Variants in TBC1D22A observed in about 807,000 individuals in gnomAD.
The protein encoded by TBC1D22A is putative GTPase activator.
A neutral mutation model predicts 60.2 loss-of-function variants in TBC1D22A; 38 were observed. The observed-to-expected ratio is 0.63, with a 90% CI of 0.49 to 0.83. The LOEUF (loss-of-function observed/expected upper bound fraction) is 0.83. TBC1D22A is among the 40% of genes least tolerant of loss of function. The pLI is 0.00. For synonymous variants in TBC1D22A, 302 were observed against 281.7 expected, an observed-to-expected ratio of 1.07 and a Z score of -0.72; for missense variants, 628 against 701.0, an observed-to-expected ratio of 0.90 and a Z score of 1.18.
At chr22:46,891,539 C>A in intron 6 of TBC1D22A, 145 bp downstream of exon 6, 2 of 846,826 alleles carry the variant, frequency 2.4e-6, no homozygotes, top group Non-Finnish European at 3.3e-6. Flanking sequence ...TTTTTATTTT[C>A]TAATAAATAA....
chr22:46,841,295 C>A (rs566408137), intron 4 of TBC1D22A, among the ~76,000 whole-genome samples: 6 of 152,308 alleles, frequency 3.9e-5, no homozygotes, highest in African/African-American at 1.2e-4. Flanking sequence ...TGCTATTTGG[C>A]CATGTGAGGA....
intron 8 of TBC1D22A, among the ~76,000 whole-genome samples, chr22:46,947,098 A>T (rs544601136): frequency 1.2e-3 from 181 of 151,812 alleles, no homozygotes; most frequent in Middle Eastern, 0.01. Flanking sequence ...CGTTATGTGG[A>T]TGAGGTGATA....
At chr22:47,055,919 G>A (rs200883318) in intron 11 of TBC1D22A, among the ~76,000 whole-genome samples, 35 of 89,064 alleles carry the variant, frequency 3.9e-4, no homozygotes, top group East Asian at 1.7e-3. Flanking sequence ...ACTGAGGGTT[G>A]GTGAGATACG....
intron 12 of TBC1D22A, among the ~76,000 whole-genome samples, chr22:47,161,698 A>G (rs2067989825): frequency 6.6e-6 from 1 of 152,270 alleles, no homozygotes; most frequent in South Asian, 2.1e-4. Flanking sequence ...TGAGTGGCAG[A>G]GGCAGCGCCT....
At chr22:46,964,606 T>G (rs572590332) in intron 8 of TBC1D22A, among the ~76,000 whole-genome samples, 1 of 152,254 alleles carries the variant, frequency 6.6e-6, no homozygotes, top group Non-Finnish European at 1.5e-5. Context: ...ATGGACCGTC[T>G]GTCCAATTTT....
chr22:46,954,914 C>T (rs552813411), intron 8 of TBC1D22A, among the ~76,000 whole-genome samples: 38 of 152,264 alleles, frequency 2.5e-4, no homozygotes, highest in South Asian at 8.3e-4. Flanking sequence ...GCTTAGGAAG[C>T]GAAGGGGTTA....
intron 4 of TBC1D22A, among the ~76,000 whole-genome samples, chr22:46,846,123 C>T (rs2086979146): frequency 6.6e-6 from 1 of 152,232 alleles, no homozygotes; most frequent in South Asian, 2.1e-4. Context: ...GAGTTTATCA[C>T]AATGCATCTG....
At chr22:47,132,777 G>T (rs562560661) in intron 12 of TBC1D22A, among the ~76,000 whole-genome samples, 1 of 152,252 alleles carries the variant, frequency 6.6e-6, no homozygotes, top group Non-Finnish European at 1.5e-5. Context: ...CCCACATCAC[G>T]TTGGCTTGAA....
chr22:47,117,883 G>C (rs1463566025), intron 12 of TBC1D22A, among the ~76,000 whole-genome samples: 2 of 152,182 alleles, frequency 1.3e-5, no homozygotes, highest in Non-Finnish European at 2.9e-5. Context: ...AGCACTTTGG[G>C]AGGCAGAGGC....
intron 8 of TBC1D22A, among the ~76,000 whole-genome samples, chr22:46,931,905 G>A (rs2071373659): frequency 6.6e-6 from 1 of 152,162 alleles, no homozygotes; most frequent in African/African-American, 2.4e-5. Context: ...AAGCTTAATG[G>A]CATTTAGTTA....
chr22:47,018,281 T>C (rs781391859), intron 10 of TBC1D22A, among the ~76,000 whole-genome samples: 1 of 152,272 alleles, frequency 6.6e-6, no homozygotes, highest in Admixed American at 6.5e-5. Context: ...TTCTGCTGGA[T>C]GCGTGTGGAT....
chr22:47,152,350 G>A (rs1184359581), intron 12 of TBC1D22A, among the ~76,000 whole-genome samples: 1 of 149,470 alleles, frequency 6.7e-6, no homozygotes, highest in Non-Finnish European at 1.5e-5. Context: ...TTCCCCCCCT[G>A]GCCCCTGGGG....
At chr22:46,884,097 C>T (rs983084243) in intron 5 of TBC1D22A, among the ~76,000 whole-genome samples, 2 of 152,100 alleles carry the variant, frequency 1.3e-5, no homozygotes, top group African/African-American at 2.4e-5. Flanking sequence ...ATTCCGCCCT[C>T]GTGGACCTCA....
intron 4 of TBC1D22A, among the ~76,000 whole-genome samples, chr22:46,851,992 A>AC (rs2062762594): frequency 6.6e-6 from 1 of 152,138 alleles, no homozygotes; most frequent in African/African-American, 2.4e-5. Context: ...TTTGATGAAG[A>AC]CAGGAGGCTT....
chr22:47,034,921 G>A lies in TBC1D22A; in HGVS notation c.1202-2150G>A, dbSNP rs149101631. Among the ~76,000 whole-genome samples, 1,001 of 152,240 alleles carry A rather than the reference G, an allele frequency of 6.6e-3. 11 individuals carry two copies. Among genetic ancestry groups the A allele is most frequent in the Non-Finnish European group, 0.011 (736 of 68,018 alleles). ...CGTGTGACGCTCTTTGCTTGCAGCC[G>A]ACTCTGGCACTGATGCGTCAGGCTC... On this transcript the variant is annotated intron_variant, in intron 10 of 12. Transcript: ENST00000337137.
At chr22:46,880,898 A>G (rs1266931271) in intron 5 of TBC1D22A, among the ~76,000 whole-genome samples, 1 of 152,160 alleles carries the variant, frequency 6.6e-6, no homozygotes, top group Non-Finnish European at 1.5e-5. Context: ...TCAGGGAGCA[A>G]AGCTTGTCGT....
intron 12 of TBC1D22A, among the ~76,000 whole-genome samples, chr22:47,152,324 G>A (rs755476126): frequency 1.9e-4 from 29 of 152,236 alleles, no homozygotes; most frequent in Admixed American, 4.6e-4. Context: ...AGAAACCACC[G>A]CAGCCTCCTA....
At chr22:47,061,212 C>G (rs1006686191) in intron 11 of TBC1D22A, among the ~76,000 whole-genome samples, 1 of 151,792 alleles carries the variant, frequency 6.6e-6, no homozygotes, top group Non-Finnish European at 1.5e-5. Flanking sequence ...GGTGCCCTCA[C>G]CACGGTCCTG....
intron 11 of TBC1D22A, among the ~76,000 whole-genome samples, chr22:47,070,909 T>A (rs112005797): frequency 1.1e-4 from 15 of 138,222 alleles, no homozygotes; most frequent in African/African-American, 3.7e-4. Flanking sequence ...TGTTCCCTGT[T>A]GTTTGGTTGG....
Sources: allele counts gnomAD v4.1 joint callset (sites outside exome capture counted in the v4.1 genomes callset), GRCh38; gene constraint gnomAD v4.1.1; transcripts MANE v1.5; gene names NCBI Gene and HGNC (gene_info 2026-07-23, HGNC 2026-07-21).